PSMD14: variants seen among roughly 807,000 people sequenced by gnomAD.
PSMD14 encodes the protein proteasome 26S subunit, non-ATPase 14, also known as ubiquitin C-terminal hydrolase PSMD14.
In PSMD14, 7 loss-of-function variants were observed where a neutral mutation model predicts 41.2. The observed-to-expected ratio is 0.17, with a 90% confidence interval of 0.10 to 0.32. The LOEUF (loss-of-function observed/expected upper bound fraction) is 0.32. Ranked by LOEUF, PSMD14 falls within the 10% of genes least tolerant of loss-of-function variation. The pLI is 1.00. For synonymous variants in PSMD14, 114 were observed against 122.3 expected, an observed-to-expected ratio of 0.93 and a Z score of 0.45; for missense variants, 139 against 375.6, an observed-to-expected ratio of 0.37 and a Z score of 5.21.
At chr2:161,337,288 A>C (rs891521767) in intron 3 of PSMD14, among the ~76,000 whole-genome samples, 2 of 152,194 alleles carry the variant, frequency 1.3e-5, no homozygotes, top group African/African-American at 4.8e-5. Flanking sequence ...ATTTTGTTGA[A>C]ATTAGAATTG....
intron 3 of PSMD14, among the ~76,000 whole-genome samples, chr2:161,354,631 T>C (rs1271895185): frequency 1.3e-5 from 2 of 152,206 alleles, no homozygotes; most frequent in East Asian, 3.8e-4. Context: ...CACACACACA[T>C]AGAAACTTTG....
chr2:161,367,361 CT>C, intron 3 of PSMD14, 116 bp from the exon 4 acceptor site: 2 of 755,070 alleles, frequency 2.6e-6, no homozygotes, highest in Non-Finnish European at 4.3e-6. Flanking sequence ...TAAAAGGATA[CT>C]TGACATGTTT....
intron 3 of PSMD14, 84 bp from the exon 4 acceptor site, chr2:161,367,394 T>C (rs1262572642): frequency 2.7e-6 from 3 of 1,106,016 alleles, no homozygotes; most frequent in African/African-American, 1.6e-5. Context: ...TTTAAAAATA[T>C]CAAGTTTATA....
At chr2:161,331,857 T>G (rs992733999) in intron 3 of PSMD14, among the ~76,000 whole-genome samples, 1 of 152,242 alleles carries the variant, frequency 6.6e-6, no homozygotes, top group South Asian at 2.1e-4. Flanking sequence ...TGCACTTAAT[T>G]TTTTAATCCT....
intron 1 of PSMD14, among the ~76,000 whole-genome samples, chr2:161,310,101 A>G (rs192397575): frequency 7.5e-4 from 115 of 152,338 alleles, no homozygotes; most frequent in African/African-American, 2.6e-3. Context: ...CAGTGAGCCA[A>G]GATCGCGCAA....
At chr2:161,390,989 A>G (rs1683703664) in intron 8 of PSMD14, 115 bp from the exon 9 acceptor site, 2 of 926,086 alleles carry the variant, frequency 2.2e-6, no homozygotes, top group East Asian at 6.6e-5. Context: ...TTGAAATAAA[A>G]TGCCTTTATT....
At chr2:161,328,341 A>G (rs997829483) in intron 3 of PSMD14, among the ~76,000 whole-genome samples, 1 of 152,194 alleles carries the variant, frequency 6.6e-6, no homozygotes, top group Admixed American at 6.5e-5. Flanking sequence ...AATATGCATA[A>G]TAGACCTTAC....
chr2:161,382,474 A>C (rs1392066498), intron 7 of PSMD14: 1 of 151,848 alleles, frequency 6.6e-6, no homozygotes, highest in African/African-American at 2.4e-5. Flanking sequence ...TAAACAAAAA[A>C]GGAAAGTAAG....
At chr2:161,378,061 G>A (rs184216012) in intron 7 of PSMD14, among the ~76,000 whole-genome samples, 1 of 151,996 alleles carries the variant, frequency 6.6e-6, no homozygotes, top group Non-Finnish European at 1.5e-5. Flanking sequence ...ATTGTTATTT[G>A]TGAGGATATT....
chr2:161,379,589 C>T (rs987573997), intron 7 of PSMD14, among the ~76,000 whole-genome samples: 3 of 151,982 alleles, frequency 2.0e-5, no homozygotes, highest in African/African-American at 7.2e-5. Context: ...CCAATTTTAA[C>T]ACTCTTCATG....
intron 3 of PSMD14, among the ~76,000 whole-genome samples, chr2:161,356,435 AT>A (rs915044377): frequency 3.3e-5 from 5 of 152,194 alleles, no homozygotes; most frequent in Non-Finnish European, 4.4e-5. Context: ...TTTATGTTGC[AT>A]TTTTTTAAGG....
intron 3 of PSMD14, among the ~76,000 whole-genome samples, chr2:161,349,101 T>C (rs549072861): frequency 6.6e-6 from 1 of 152,226 alleles, no homozygotes; most frequent in Non-Finnish European, 1.5e-5. Context: ...ATTGGCTTAC[T>C]ATAGGTTGGT....
At chr2:161,331,019 C>T (rs1001336538) in intron 3 of PSMD14, among the ~76,000 whole-genome samples, 2 of 152,068 alleles carry the variant, frequency 1.3e-5, no homozygotes, top group African/African-American at 4.8e-5. Context: ...GAAAAGTTCA[C>T]CATTCTGTTT....
At chr2:161,405,164 C>T (rs536147317) in intron 10 of PSMD14, among the ~76,000 whole-genome samples, 54 of 152,174 alleles carry the variant, frequency 3.5e-4, no homozygotes, top group Non-Finnish European at 7.2e-4. Flanking sequence ...ACTTTGGACT[C>T]ATCTCTCTTG....
At chr2:161,345,089 G>A (rs1411101461) in intron 3 of PSMD14, among the ~76,000 whole-genome samples, 1 of 152,100 alleles carries the variant, frequency 6.6e-6, no homozygotes, top group Non-Finnish European at 1.5e-5. Flanking sequence ...GCTTCTGGAT[G>A]TAGATACTCA....
intron 3 of PSMD14, among the ~76,000 whole-genome samples, chr2:161,357,902 TC>T (rs1683230010): frequency 1.1e-5 from 1 of 87,334 alleles, no homozygotes; most frequent in Non-Finnish European, 2.7e-5. Context: ...GACTTCCTGT[TC>T]TTTTTTTTTT....
At chr2:161,346,711 G>A (rs1683048605) in intron 3 of PSMD14, among the ~76,000 whole-genome samples, 1 of 151,358 alleles carries the variant, frequency 6.6e-6, no homozygotes, top group South Asian at 2.1e-4. Flanking sequence ...ACCTTGTTTA[G>A]GAGTCATTAT....
chr2:161,385,706 G>T (rs1489951310), intron 8 of PSMD14, 135 bp downstream of exon 8: 2 of 552,740 alleles, frequency 3.6e-6, no homozygotes, highest in Non-Finnish European at 6.1e-6. Context: ...TAAAAGAATT[G>T]TGGAAATACT....
intron 3 of PSMD14, among the ~76,000 whole-genome samples, chr2:161,354,288 C>T (rs1683162369): frequency 6.6e-6 from 1 of 152,108 alleles, no homozygotes; most frequent in Admixed American, 6.6e-5. Context: ...CACTCTTGCC[C>T]AGGCTAGAGT....
Sources: gnomAD v4.1 joint callset for allele counts (sites outside exome capture counted in the v4.1 genomes callset) on GRCh38, gnomAD v4.1.1 for gene constraint, MANE v1.5 for transcripts, NCBI Gene and HGNC (gene_info 2026-07-23, HGNC 2026-07-21) for gene names.